PLXNA2: variants seen among roughly 807,000 people sequenced by gnomAD.
The protein encoded by PLXNA2 is plexin A2.
Under a neutral mutation model 193.5 loss-of-function variants are expected in PLXNA2, and 91 were observed. The observed-to-expected ratio is 0.47, with a 90% CI of 0.40 to 0.56. The LOEUF (loss-of-function observed/expected upper bound fraction) is 0.56. Among genes scored for constraint, PLXNA2 ranks in the 20% least tolerant of loss-of-function variants. The probability of loss-of-function intolerance (pLI) is 0.00; values close to 1 mark genes in which losing one functional copy is unlikely to be tolerated. For synonymous variants in PLXNA2, 997 were observed against 1,027.3 expected, an observed-to-expected ratio of 0.97 and a Z score of 0.56; for missense variants, 1,995 against 2,503.2, an observed-to-expected ratio of 0.80 and a Z score of 4.33.
chr1:208,141,315 G>A (rs1361431017), intron 4 of PLXNA2, among the ~76,000 whole-genome samples: 1 of 152,152 alleles, frequency 6.6e-6, no homozygotes, highest in African/African-American at 2.4e-5. Context: ...AAGGAGGTAA[G>A]GAGAGCTCTG....
chr1:208,027,319 T>A lies in PLXNA2; in HGVS notation c.5609A>T (p.Gln1870Leu). The A allele has an allele frequency of 6.2e-7, 1 of 1,613,290 alleles. No individual in the cohort carries two copies. The change falls in exon 32 of 32, where the codon CAG becomes CTG. Residue 1870 changes from glutamine to leucine, a missense_variant. This residue lies in a region of PLXNA2 where 1,291 missense variants were observed against 1,673.6 expected (regional missense o/e 0.77). Coordinates refer to ENST00000367033, the MANE Select transcript of PLXNA2 (RefSeq NM_025179.4). ...CCGCTGCCGCCGTGCCTGCTCATCC[T>A]GCTCTAGGGCCCCGATGAGCTGAGG... is the stretch of plus-strand genomic sequence containing the variant. ...YSEELIGALEQDEQARRQRLA... is the reference protein window; with the variant it reads ...YSEELIGALELDEQARRQRLA...
intron 1 of PLXNA2, among the ~76,000 whole-genome samples, chr1:208,229,343 A>G (rs1671615531): frequency 6.6e-6 from 1 of 152,192 alleles, no homozygotes; most frequent in South Asian, 2.1e-4. Context: ...CTTTGAAGGC[A>G]GGAACAATAT....
intron 9 of PLXNA2, among the ~76,000 whole-genome samples, chr1:208,088,281 A>G (rs1213694563): frequency 6.6e-6 from 1 of 152,142 alleles, no homozygotes; most frequent in Admixed American, 6.5e-5. Flanking sequence ...CACATTGCCC[A>G]CCTGTTCAGC....
chr1:208,191,236 T>C (rs1287627796), intron 3 of PLXNA2, among the ~76,000 whole-genome samples: 3 of 152,180 alleles, frequency 2.0e-5, no homozygotes, highest in African/African-American at 4.8e-5. Flanking sequence ...ACAGCACACA[T>C]CTGCAAGCGC....
In PLXNA2 at chr1:208,092,887, C is replaced by T. The variant is rs756890988; in HGVS notation, c.1996G>A (p.Val666Ile). ...CAATGGCAGCGGAAGGCGCTGTTGA[C>T]ACAGGACAGGCACCTGCAAGGACAG... ...CSAHQLCLSC[V>I]NSAFRCHWCK... Residue 666 changes from valine (V) to isoleucine (I), a missense_variant, in exon 9 of 32, where the codon GTC (valine) becomes ATC (isoleucine). Coordinates refer to ENST00000367033, the MANE Select transcript of PLXNA2 (RefSeq NM_025179.4). 1 of 1,613,476 alleles carries T rather than the reference C, an allele frequency of 6.2e-7. No individual in the cohort carries two copies. Among genetic ancestry groups the T allele is most frequent in the South Asian group, 1.1e-5 (1 of 91,036 alleles).
chr1:208,112,019 T>C (rs987477828), intron 4 of PLXNA2, among the ~76,000 whole-genome samples: 4 of 152,180 alleles, frequency 2.6e-5, no homozygotes, highest in Non-Finnish European at 4.4e-5. Context: ...GGAGTGCAGT[T>C]CAAAGAGAAA....
rs1668148203 is a variant in PLXNA2 at position 208,131,404 on chromosome 1, G to C, written c.1506+10925C>G. Among the ~76,000 whole-genome samples the C allele has an allele frequency of 2.0e-5, 3 of 152,214 alleles. No homozygotes were observed. The South Asian group carries it at 6.2e-4, about 32-fold the overall frequency. ...ATCAGACTCTCGGCATCTGATTGAA[G>C]CCTAATTGGAAATCCAAAGTGGCAC... On this transcript the variant is annotated intron_variant, in intron 4 of 31. Transcript: ENST00000367033.
In PLXNA2 at chr1:208,025,334, G is replaced by C. The variant is rs1166491418; in HGVS notation, c.*1909C>G. On this transcript the variant is annotated 3_prime_UTR_variant, in exon 32 of 32. Transcript: ENST00000367033. ...ATCACATGTGGTCAGCAGGGCCTTT[G>C]GAAATTGGAACCACTTGGAGGTAAA... 1.3e-5 allele frequency: 2 copies of C among 152,414 alleles called. No individual in the cohort carries two copies. The highest frequency in any genetic ancestry group is 2.9e-5 in the Non-Finnish European group (2 of 68,200). The allele number at this position is 152,414 out of a possible 1,614,324, so 9.4% of individuals were successfully genotyped here.
chr1:208,174,064 C>G (rs1669581865), intron 3 of PLXNA2, among the ~76,000 whole-genome samples: 1 of 152,238 alleles, frequency 6.6e-6, no homozygotes, highest in South Asian at 2.1e-4. Flanking sequence ...TGTGGGTTTT[C>G]TCCCTTGTGC....
intron 3 of PLXNA2, among the ~76,000 whole-genome samples, chr1:208,152,416 T>C (rs75723776): frequency 2.0e-5 from 3 of 152,206 alleles, no homozygotes; most frequent in Non-Finnish European, 2.9e-5. Context: ...TCTGGGCTAC[T>C]GCAATAACCT....
intron 4 of PLXNA2, among the ~76,000 whole-genome samples, chr1:208,129,164 C>T (rs1404550117): frequency 2.0e-5 from 3 of 152,132 alleles, no homozygotes; most frequent in Non-Finnish European, 4.4e-5. Flanking sequence ...TTTCCATGAA[C>T]CTGGGATGGG....
intron 12 of PLXNA2, among the ~76,000 whole-genome samples, chr1:208,068,250 A>G (rs1367415952): frequency 6.6e-6 from 1 of 152,198 alleles, no homozygotes; most frequent in Non-Finnish European, 1.5e-5. Context: ...CAGACACTAG[A>G]ACAGACTGTA....
In PLXNA2 at chr1:208,038,870, T is replaced by C. The variant is rs1664762584; in HGVS notation, c.4615A>G (p.Asn1539Asp). 1 of 1,614,086 alleles carries C rather than the reference T, an allele frequency of 6.2e-7. No homozygotes were observed. Among genetic ancestry groups the C allele is most frequent in the Non-Finnish European group, 8.5e-7 (1 of 1,180,016 alleles). Reference protein sequence around the residue: ...KEKILDAVYKNVPYSQRPRAV... With the variant: ...KEKILDAVYKDVPYSQRPRAV... ...CTCGGCCGCTGGGAATAGGGCACAT[T>C]CTTATACACGGCATCAAGAATCTTC... The change falls in exon 25 of 32, where the codon AAT becomes GAT. Residue 1539 changes from asparagine to aspartate, a missense_variant. This residue lies in a region of PLXNA2 where 1,291 missense variants were observed against 1,673.6 expected (regional missense o/e 0.77). Transcript: ENST00000367033. This position sits in a 1 kb window ranked among gnomAD's most constrained non-coding sequence, Gnocchi z 4.1.
chr1:208,085,080 C>T (rs1666471415), intron 9 of PLXNA2, among the ~76,000 whole-genome samples: 1 of 127,528 alleles, frequency 7.8e-6, no homozygotes, highest in South Asian at 3.2e-4. Flanking sequence ...TAAACACTTG[C>T]TCTGTTTTTT....
chr1:208,182,659 T>C (rs1417027275), intron 3 of PLXNA2, among the ~76,000 whole-genome samples: 1 of 151,860 alleles, frequency 6.6e-6, no homozygotes, highest in Admixed American at 6.6e-5. Flanking sequence ...ATCACTCTGC[T>C]TGTTTGTAGC....
chr1:208,070,091 G>T (rs1233050166), intron 12 of PLXNA2, among the ~76,000 whole-genome samples: 1 of 152,082 alleles, frequency 6.6e-6, no homozygotes, highest in Admixed American at 6.6e-5. Context: ...TGCCCCAGGG[G>T]ACACCCCCAT....
intron 1 of PLXNA2, among the ~76,000 whole-genome samples, chr1:208,232,919 A>G (rs749376439): frequency 6.6e-6 from 1 of 152,244 alleles, no homozygotes; most frequent in Non-Finnish European, 1.5e-5. Context: ...TTTACTTAGC[A>G]GCAAAGAGGG....
At chr1:208,225,740 G>A (rs915547305) in intron 1 of PLXNA2, among the ~76,000 whole-genome samples, 1 of 152,156 alleles carries the variant, frequency 6.6e-6, no homozygotes, top group East Asian at 1.9e-4. Context: ...ACTCACAGAG[G>A]CCAGGTGATG....
rs146748679 is a variant in PLXNA2, at chr1:208,031,678, T to C, written c.5137A>G (p.Ile1713Val). The change falls in exon 29 of 32, where the codon ATC becomes GTC. Residue 1713 changes from isoleucine (I) to valine (V), a missense_variant. Ile to Val is a conservative substitution (Grantham distance 29, BLOSUM62 3). This residue lies in a region of PLXNA2 where 1,291 missense variants were observed against 1,673.6 expected (regional missense o/e 0.77). Transcript: ENST00000367033. ...VHRGSALPLA[I>V]KYMFDFLDEQ... The stretch of plus-strand genomic sequence containing the variant: ...TCTAGGAAATCAAACATGTACTTGA[T>C]GGCCAGGGGGAGAGCGCTGCCCCGG... The C allele has an allele frequency of 6.2e-7, 1 of 1,613,694 alleles. No homozygotes were observed. The highest frequency in any genetic ancestry group is 1.3e-5 in the African/African-American group (1 of 74,846).
Sources: allele counts gnomAD v4.1 joint callset (sites outside exome capture counted in the v4.1 genomes callset), GRCh38; gene constraint gnomAD v4.1.1; regional missense constraint gnomAD v4.1.1; non-coding constraint Gnocchi (gnomAD v3.1); transcripts MANE v1.5; gene names NCBI Gene and HGNC (gene_info 2026-07-23, HGNC 2026-07-21).